Variants in CDC123 observed in about 807,000 individuals in gnomAD.
CDC123 encodes translation initiation factor eIF2 assembly protein.
CDC123 carries 37 observed loss-of-function variants against 54.4 expected under a neutral mutation model. That is an observed-to-expected ratio of 0.68 (90% CI 0.52 to 0.89). CDC123 has a LOEUF of 0.89. Ranked by LOEUF, CDC123 falls within the 40% of genes least tolerant of loss-of-function variation. CDC123 has a pLI of 0.00. For synonymous variants in CDC123, 144 were observed against 136.8 expected (o/e 1.05, Z -0.37); for missense variants, 361 against 412.1 (o/e 0.88, Z 1.07).
At chr10:12,230,315 C>T (rs61848332) in intron 6 of CDC123, among the ~76,000 whole-genome samples, 5,883 of 152,070 alleles carry the variant, frequency 0.039, 147 homozygotes, top group Non-Finnish European at 0.056. Flanking sequence ...GCCTCAGCCT[C>T]TCGAGTAGCT....
chr10:12,249,552 A>G (rs986263674), intron 11 of CDC123, 29 bp from the exon 12 acceptor site: 3 of 1,597,154 alleles, frequency 1.9e-6, no homozygotes, highest in Admixed American at 1.8e-5. Context: ...AATGATTGAT[A>G]TTCTTTCTCC....
intron 8 of CDC123, 56 bp from the exon 9 acceptor site, chr10:12,237,088 G>C (rs892162408): frequency 8.3e-6 from 12 of 1,447,374 alleles, no homozygotes; most frequent in Admixed American, 5.5e-5. Context: ...ATCACGTATT[G>C]ATGTTTTTGA....
intron 10 of CDC123, among the ~76,000 whole-genome samples, chr10:12,241,746 C>A (rs1262514837): frequency 6.6e-6 from 1 of 152,102 alleles, no homozygotes; most frequent in African/African-American, 2.4e-5. Context: ...TTGGGTTTTT[C>A]ATTTGCTTCT....
chr10:12,219,175 C>T (rs942216462), intron 6 of CDC123, among the ~76,000 whole-genome samples: 2 of 152,134 alleles, frequency 1.3e-5, no homozygotes, highest in Admixed American at 6.5e-5. Context: ...TCAACTCTGG[C>T]GTGTGAGCTC....
chr10:12,202,569 C>T (rs888812579), intron 2 of CDC123, among the ~76,000 whole-genome samples: 3 of 152,246 alleles, frequency 2.0e-5, no homozygotes, highest in African/African-American at 4.8e-5. Context: ...GACTGCCCCC[C>T]ACTCTGATGT....
At chr10:12,246,069 C>T (rs1836130834) in intron 10 of CDC123, 80 bp from the exon 11 acceptor site, 2 of 1,477,614 alleles carry the variant, frequency 1.4e-6, no homozygotes, top group Non-Finnish European at 1.8e-6. Flanking sequence ...GACCCTGTCT[C>T]AGAATAAAAA....
intron 6 of CDC123, among the ~76,000 whole-genome samples, chr10:12,228,373 A>G (rs966675103): frequency 3.3e-5 from 5 of 150,866 alleles, no homozygotes; most frequent in African/African-American, 1.2e-4. Flanking sequence ...GAAATAAGAG[A>G]TTTTTGCTTT....
chr10:12,240,725 C>T (rs986906531), intron 10 of CDC123, among the ~76,000 whole-genome samples: 4 of 151,528 alleles, frequency 2.6e-5, no homozygotes, highest in African/African-American at 9.7e-5. Flanking sequence ...AAAAATTAGC[C>T]AGGTGTGGTG....
chr10:12,211,972 C>T (rs548505430), intron 4 of CDC123, among the ~76,000 whole-genome samples: 17 of 152,250 alleles, frequency 1.1e-4, no homozygotes, highest in Non-Finnish European at 1.8e-4. Flanking sequence ...CCTGTAATAC[C>T]GGCTACTTGG....
At chr10:12,244,299 T>A (rs1836098605) in intron 10 of CDC123, among the ~76,000 whole-genome samples, 1 of 152,156 alleles carries the variant, frequency 6.6e-6, no homozygotes, top group Non-Finnish European at 1.5e-5. Context: ...AAAAACAAAT[T>A]CATTATTAAC....
rs752383713 is a variant in CDC123 at position 12,201,577 on chromosome 10, T to C, written c.146+2801T>C. ...CATACAAGAAGCTTGGGAAAGGTCA[T>C]GTAGCTAGAGTATGGGGAGTGAGAG... On this transcript the variant is annotated intron_variant, in intron 2 of 12. Coordinates refer to ENST00000281141, the MANE Select transcript of CDC123 (RefSeq NM_006023.3). Among the ~76,000 whole-genome samples the C allele has an allele frequency of 6.9e-4, 104 of 151,688 alleles. 1 individual carries two copies. The highest frequency in any genetic ancestry group is 2.6e-4 in the Admixed American group (4 of 15,254).
At chr10:12,227,443 C>T (rs1174860725) in intron 6 of CDC123, among the ~76,000 whole-genome samples, 2 of 151,882 alleles carry the variant, frequency 1.3e-5, no homozygotes, top group Admixed American at 6.6e-5. Flanking sequence ...ATTATCTAAT[C>T]TAAAATATTC....
chr10:12,207,445 C>CG (rs1835537818), intron 2 of CDC123, among the ~76,000 whole-genome samples: 1 of 151,922 alleles, frequency 6.6e-6, no homozygotes, highest in Non-Finnish European at 1.5e-5. Context: ...CTTCCATGTC[C>CG]CTTTTTTCTC....
intron 6 of CDC123, among the ~76,000 whole-genome samples, chr10:12,228,049 C>T (rs1835850795): frequency 1.3e-5 from 2 of 152,110 alleles, no homozygotes; most frequent in South Asian, 4.1e-4. Context: ...GATCTTCCCG[C>T]CTCAGCCTTC....
At chr10:12,215,397 AC>A (rs1266152868) in intron 4 of CDC123, among the ~76,000 whole-genome samples, 1 of 152,152 alleles carries the variant, frequency 6.6e-6, no homozygotes, top group Non-Finnish European at 1.5e-5. Context: ...GTGATATTCC[AC>A]CTGTCTATTT....
chr10:12,226,402 T>C (rs1442682868), intron 6 of CDC123, among the ~76,000 whole-genome samples: 1 of 149,692 alleles, frequency 6.7e-6, no homozygotes, highest in Non-Finnish European at 1.5e-5. Context: ...GGGTGGGGGC[T>C]CTCCCCCACC....
At chr10:12,224,420 T>C (rs918727243) in intron 6 of CDC123, among the ~76,000 whole-genome samples, 2 of 152,124 alleles carry the variant, frequency 1.3e-5, no homozygotes, top group African/African-American at 2.4e-5. Context: ...TTCATCAAAG[T>C]AGGCCTTTGG....
chr10:12,225,740 T>TTC (rs1835802967), intron 6 of CDC123, among the ~76,000 whole-genome samples: 1 of 128,680 alleles, frequency 7.8e-6, no homozygotes, highest in Non-Finnish European at 1.6e-5. Context: ...TTTTTCTAGC[T>TTC]TCTCTCTTTT....
chr10:12,237,444 A>T (rs1187170922), intron 9 of CDC123, 178 bp downstream of exon 9: 6 of 455,918 alleles, frequency 1.3e-5, no homozygotes, highest in Non-Finnish European at 2.0e-5. Context: ...TATTATTATT[A>T]TTTTTATTTG....
Sources: gnomAD v4.1 joint callset for allele counts (sites outside exome capture counted in the v4.1 genomes callset) on GRCh38, gnomAD v4.1.1 for gene constraint, MANE v1.5 for transcripts, NCBI Gene and HGNC (gene_info 2026-07-23, HGNC 2026-07-21) for gene names.